KCNQ1: variants seen among roughly 807,000 people sequenced by gnomAD.
KCNQ1 encodes potassium voltage-gated channel subfamily KQT member 1.
KCNQ1 carries 49 observed loss-of-function variants against 72.4 expected under a neutral mutation model. The observed-to-expected ratio is 0.68, with a 90% confidence interval of 0.54 to 0.86. KCNQ1 has a LOEUF of 0.86. Ranked by LOEUF, KCNQ1 falls within the 40% of genes least tolerant of loss-of-function variation. KCNQ1 has a pLI of 0.00. For synonymous variants in KCNQ1, 450 were observed against 412.6 expected, an observed-to-expected ratio of 1.09 and a Z score of -1.10; for missense variants, 790 against 945.1, an observed-to-expected ratio of 0.84 and a Z score of 2.15.
intron 11 of KCNQ1, chr11:2,684,537 T>C (rs1411115891): frequency 7.5e-6 from 3 of 398,548 alleles, no homozygotes; most frequent in Admixed American, 8.8e-5. Context: ...AAAAGCAATA[T>C]ATTTGATGCT....
chr11:2,561,345 C>T (rs1170864864), intron 2 of KCNQ1, among the ~76,000 whole-genome samples: 4 of 152,310 alleles, frequency 2.6e-5, no homozygotes, highest in Admixed American at 6.5e-5. Context: ...GTCAGGTCAG[C>T]GGGGCTCTTC....
At position 2,779,310 on chromosome 11, in the gene KCNQ1, G is replaced by A. The variant is rs138287769; in HGVS notation, c.1794+1273G>A. On this transcript the variant is annotated intron_variant, in intron 15 of 15. Transcript: ENST00000155840. ...GGTGTTTCCCTGGCTTTCTCTTTGCGCAAGGGCTGGGTGACTCCTGGCTGG... is the reference window on the plus strand; with the variant it reads ...GGTGTTTCCCTGGCTTTCTCTTTGCACAAGGGCTGGGTGACTCCTGGCTGG... 3.4e-4 allele frequency among the ~76,000 whole-genome samples: 52 copies of A among 152,282 alleles called. No homozygotes were observed. The East Asian group carries it at 7.5e-3, about 22-fold the overall frequency.
In KCNQ1 at chr11:2,445,373, C is replaced by A; in HGVS notation, c.275C>A (p.Ser92Tyr). ...CCGGTGAGCCTAGACCCGCGCGTCT[C>A]CATCTACAGCACGCGCCGCCCGGTG... is the stretch of plus-strand genomic sequence containing the variant. ...RPPVSLDPRV[S>Y]IYSTRRPVLA... The change falls in exon 1 of 16, where the codon TCC becomes TAC. Residue 92 changes from serine to tyrosine, a missense_variant. By Grantham distance (144) the Ser-to-Tyr change is moderately radical. Around this residue, in one of 5 missense-constraint regions of KCNQ1, gnomAD observed 294 missense variants for 323.3 expected, o/e 0.91. Transcript: ENST00000155840. The A allele has an allele frequency of 6.3e-7, 1 of 1,597,730 alleles. No homozygotes were observed. The highest frequency in any genetic ancestry group is 8.5e-7 in the Non-Finnish European group (1 of 1,179,566).
intron 1 of KCNQ1, among the ~76,000 whole-genome samples, chr11:2,525,133 CAG>C (rs1206721054): frequency 2.0e-5 from 3 of 152,288 alleles, no homozygotes; most frequent in African/African-American, 7.2e-5. Flanking sequence ...GGTGTGGGGA[CAG>C]GGCCTGCAGC....
chr11:2,654,743 T>A lies in KCNQ1; in HGVS notation c.1394-7218T>A. ...CTGACCTAATCTGGGCAGGGAGGGG[T>A]CTGGGGCTCGATGAGAAGGCAGAGG... On this transcript the variant is annotated intron_variant, in intron 10 of 15. Coordinates refer to ENST00000155840, the MANE Select transcript of KCNQ1 (RefSeq NM_000218.3). The surrounding 1 kb of genome is among the most constrained non-coding windows in gnomAD (Gnocchi z 6.4). 1 of 397,882 alleles carries A rather than the reference T, an allele frequency of 2.5e-6. No homozygotes were observed. Among genetic ancestry groups the A allele is most frequent in the Non-Finnish European group, 4.4e-6 (1 of 226,024 alleles). The allele number at this position is 397,882 out of a possible 1,614,324, so 24.6% of individuals were successfully genotyped here.
At chr11:2,765,208 A>G (rs913062539) in intron 11 of KCNQ1, among the ~76,000 whole-genome samples, 2 of 152,094 alleles carry the variant, frequency 1.3e-5, no homozygotes, top group African/African-American at 4.8e-5. Context: ...TTTTATTACT[A>G]TTTAATTTAA....
intron 6 of KCNQ1, among the ~76,000 whole-genome samples, chr11:2,580,479 C>T (rs1231029185): frequency 4.6e-5 from 7 of 152,158 alleles, no homozygotes; most frequent in Admixed American, 3.9e-4. Context: ...GAAAAATATG[C>T]ATTTTTGCAA....
rs567076238 is a variant in KCNQ1, at chr11:2,497,086, C to T, written c.387-30842C>T. On this transcript the variant is annotated intron_variant, in intron 1 of 15. Coordinates refer to ENST00000155840, the MANE Select transcript of KCNQ1 (RefSeq NM_000218.3). This position sits in a 1 kb window ranked among gnomAD's most constrained non-coding sequence, Gnocchi z 4.5. The stretch of plus-strand genomic sequence containing the variant: ...TAGGTAACCTGACCTTTCTCTCTGG[C>T]TGCCCTTAACGTTTTGTCCTTCATT... Among the ~76,000 whole-genome samples the T allele has an allele frequency of 1.3e-5, 2 of 152,296 alleles. No individual in the cohort carries two copies. Among genetic ancestry groups the T allele is most frequent in the Non-Finnish European group, 2.9e-5 (2 of 68,024 alleles).
chr11:2,698,299 C>T lies in KCNQ1; in HGVS notation c.1514+36218C>T, dbSNP rs1449489113. On this transcript the variant is annotated intron_variant, in intron 11 of 15. Coordinates refer to ENST00000155840, the MANE Select transcript of KCNQ1 (RefSeq NM_000218.3). This position sits in a 1 kb window ranked among gnomAD's most constrained non-coding sequence, Gnocchi z 5.1. Reference sequence around the variant, plus strand: ...AACTATTCTACCTGGATGAATTATTCTCTTTCATAACCAGAACAGTGCTGT... The same window carrying T: ...AACTATTCTACCTGGATGAATTATTTTCTTTCATAACCAGAACAGTGCTGT... The T allele has an allele frequency of 2.5e-6, 1 of 398,532 alleles. No homozygotes were observed. Among genetic ancestry groups the T allele is most frequent in the Non-Finnish European group, 4.4e-6 (1 of 226,080 alleles). The allele number at this position is 398,532 out of a possible 1,614,324, so 24.7% of individuals were successfully genotyped here. A position where few individuals can be genotyped will look rare whatever the true frequency, so the allele number is the denominator to read the frequency against.
At position 2,672,409 on chromosome 11, in the gene KCNQ1, G is replaced by A. The variant is rs572473516; in HGVS notation, c.1514+10328G>A. 1.3e-5 allele frequency: 5 copies of A among 398,590 alleles called. No individual in the cohort carries two copies. The Admixed American group carries it at 2.2e-4, about 18-fold the overall frequency. The allele number at this position is 398,590 out of a possible 1,614,324, so 24.7% of individuals were successfully genotyped here. ...CTCAGGCTGGTATGGGTTAGGGGAT[G>A]AGAGTACAGAACAGTCCACCCCAGG... On this transcript the variant is annotated intron_variant, in intron 11 of 15. Transcript: ENST00000155840.
rs1195692780 is a variant in KCNQ1 at position 2,769,035 on chromosome 11, C to G, written c.1590+116C>G. ...TAGTGGAGGGTGTCAAGGCCTCCGC[C>G]CCCAAGCCACACAGGCAGGCCTATC... On this transcript the variant is annotated intron_variant, in intron 12 of 15. Transcript: ENST00000155840. The surrounding 1 kb of genome is among the most constrained non-coding windows in gnomAD (Gnocchi z 4.6). The G allele has an allele frequency of 3.5e-6, 3 of 868,998 alleles. No homozygotes were observed. The African/African-American group carries it at 5.0e-5, about 14-fold the overall frequency. The allele number at this position is 868,998 out of a possible 1,614,324, so 53.8% of individuals were successfully genotyped here. A position where few individuals can be genotyped will look rare whatever the true frequency, so the allele number is the denominator to read the frequency against.
chr11:2,776,118 A>G (rs976222143), intron 13 of KCNQ1, 64 bp downstream of exon 13: 43 of 1,380,714 alleles, frequency 3.1e-5, no homozygotes, highest in Non-Finnish European at 4.0e-5. Context: ...CCCCAGCTGC[A>G]TGATCAGCGG....
At chr11:2,727,908 C>A (rs561341026) in intron 11 of KCNQ1, among the ~76,000 whole-genome samples, 111 of 152,290 alleles carry the variant, frequency 7.3e-4, no homozygotes, top group Non-Finnish European at 1.5e-3. Flanking sequence ...GCAGAGGGAG[C>A]ATCTGATGGC....
rs1845718577 is a variant in KCNQ1 at position 2,724,104 on chromosome 11, G to A, written c.1515-44740G>A. ...CCTGGGGGCCCAGGCTTTTGATAGA[G>A]AATCACATCTGGACCAGGACGTTCT... On this transcript the variant is annotated intron_variant, in intron 11 of 15. Transcript: ENST00000155840. This position sits in a 1 kb window ranked among gnomAD's most constrained non-coding sequence, Gnocchi z 6.8. Among the ~76,000 whole-genome samples, 1 of 152,138 alleles carries A rather than the reference G, an allele frequency of 6.6e-6. No individual in the cohort carries two copies. The highest frequency in any genetic ancestry group is 6.5e-5 in the Admixed American group (1 of 15,284).
intron 1 of KCNQ1, among the ~76,000 whole-genome samples, chr11:2,476,946 C>T (rs1846577719): frequency 6.6e-6 from 1 of 152,216 alleles, no homozygotes. Flanking sequence ...ACCTCGGCCT[C>T]CCAAAGTGCT....
At chr11:2,558,351 G>T (rs1450244489) in intron 2 of KCNQ1, among the ~76,000 whole-genome samples, 2 of 152,272 alleles carry the variant, frequency 1.3e-5, no homozygotes, top group Non-Finnish European at 2.9e-5. Flanking sequence ...AAGCATACGT[G>T]TTTATTCAGT....
intron 15 of KCNQ1, among the ~76,000 whole-genome samples, chr11:2,779,362 C>T (rs954651498): frequency 6.6e-6 from 1 of 152,192 alleles, no homozygotes. Context: ...GGGCCGGGTA[C>T]CCTGTGTTGT....
intron 5 of KCNQ1, 121 bp downstream of exon 5, chr11:2,572,230 C>T (rs905701074): frequency 2.4e-5 from 17 of 711,760 alleles, no homozygotes; most frequent in African/African-American, 3.5e-5. Flanking sequence ...GGTGCCTGGG[C>T]GCAGGGGTAC....
chr11:2,463,531 C>T lies in KCNQ1; in HGVS notation c.386+18047C>T, dbSNP rs958200092. Among the ~76,000 whole-genome samples the T allele has an allele frequency of 3.9e-5, 6 of 152,148 alleles. No homozygotes were observed. The highest frequency in any genetic ancestry group is 6.5e-5 in the Admixed American group (1 of 15,284). On this transcript the variant is annotated intron_variant, in intron 1 of 15. Coordinates refer to ENST00000155840, the MANE Select transcript of KCNQ1 (RefSeq NM_000218.3). This position sits in a 1 kb window ranked among gnomAD's most constrained non-coding sequence, Gnocchi z 7.0. ...TGGACAGGCTCCACCTCCCTCTTAT[C>T]GTGGCCCCTTTGGCAGGCTGCCTGC... is the stretch of plus-strand genomic sequence containing the variant.
Sources: gnomAD v4.1 joint callset for allele counts (sites outside exome capture counted in the v4.1 genomes callset) on GRCh38, gnomAD v4.1.1 for gene constraint, gnomAD v4.1.1 regional missense constraint, Gnocchi (gnomAD v3.1) non-coding constraint, MANE v1.5 for transcripts, NCBI Gene and HGNC (gene_info 2026-07-23, HGNC 2026-07-21) for gene names.